Variants in XPO7 observed in about 807,000 individuals in gnomAD.
XPO7 encodes exportin-7.
A neutral mutation model predicts 144.3 loss-of-function variants in XPO7; 21 were observed. That is an observed-to-expected ratio of 0.15 (90% CI 0.10 to 0.21). The LOEUF is 0.21. Among genes scored for constraint, XPO7 ranks in the 10% least tolerant of loss-of-function variants. The pLI, the probability that XPO7 is intolerant of heterozygous loss-of-function variation, is 1.00. For synonymous variants in XPO7, 580 were observed against 499.6 expected, an observed-to-expected ratio of 1.16 and a Z score of -2.15; for missense variants, 808 against 1,325.8, an observed-to-expected ratio of 0.61 and a Z score of 6.06.
chr8:21,991,404 A>T (rs1371984903), intron 18 of XPO7, among the ~76,000 whole-genome samples: 3 of 152,162 alleles, frequency 2.0e-5, no homozygotes, highest in African/African-American at 7.2e-5. Context: ...TCTAATTTCG[A>T]GCTGTTTAAA....
At chr8:21,982,570 G>C in intron 10 of XPO7, 70 bp from the exon 11 acceptor site, 2 of 1,475,816 alleles carry the variant, frequency 1.4e-6, no homozygotes, top group Non-Finnish European at 1.8e-6. Flanking sequence ...TTTATCTTCT[G>C]TGTCAGTGGC....
At chr8:21,949,162 G>A (rs1207073484) in intron 1 of XPO7, among the ~76,000 whole-genome samples, 1 of 152,182 alleles carries the variant, frequency 6.6e-6, no homozygotes, top group Non-Finnish European at 1.5e-5. Context: ...AAAATCTCAT[G>A]AACTGACACA....
At chr8:21,968,039 T>C (rs1202273169) in intron 2 of XPO7, among the ~76,000 whole-genome samples, 1 of 152,118 alleles carries the variant, frequency 6.6e-6, no homozygotes, top group Non-Finnish European at 1.5e-5. Flanking sequence ...CTCAAACAGC[T>C]TCCCAGTCGT....
intron 1 of XPO7, among the ~76,000 whole-genome samples, chr8:21,935,833 T>C (rs945535985): frequency 1.3e-5 from 2 of 151,950 alleles, no homozygotes; most frequent in South Asian, 2.1e-4. Context: ...GGGCAAGATA[T>C]CTTTCTCTCT....
chr8:21,993,915 G>GTCTCTCTC (rs146886015), intron 19 of XPO7, among the ~76,000 whole-genome samples: 96 of 141,130 alleles, frequency 6.8e-4, no homozygotes, highest in African/African-American at 2.1e-3. Flanking sequence ...TCTTTGCCGT[G>GTCTCTCTC]TCTCTCTCTC....
chr8:21,977,631 T>C (rs373351115), intron 7 of XPO7, 139 bp from the exon 8 acceptor site: 1 of 750,440 alleles, frequency 1.3e-6, no homozygotes, highest in Non-Finnish European at 2.1e-6. Flanking sequence ...CCCTATTTGC[T>C]TATCACTTCC....
intron 11 of XPO7, among the ~76,000 whole-genome samples, chr8:21,983,587 T>C (rs568583755): frequency 3.5e-4 from 53 of 152,312 alleles, no homozygotes; most frequent in African/African-American, 1.1e-3. Flanking sequence ...CAGCAAGCCT[T>C]CTTCTGTCAC....
intron 8 of XPO7, among the ~76,000 whole-genome samples, chr8:21,978,565 A>G (rs886295096): frequency 1.3e-5 from 2 of 152,208 alleles, no homozygotes; most frequent in African/African-American, 4.8e-5. Flanking sequence ...TGTATCGTTA[A>G]GGTTACTGCA....
chr8:21,926,668 A>G (rs1022647490), intron 1 of XPO7, among the ~76,000 whole-genome samples: 9 of 152,160 alleles, frequency 5.9e-5, no homozygotes, highest in African/African-American at 2.2e-4. Context: ...TAACTGTAAG[A>G]ACTTGAAACA....
In XPO7 at chr8:21,984,816, C is replaced by A; in HGVS notation, c.1448C>A (p.Pro483Gln). 1 of 1,613,902 alleles carries A rather than the reference C, an allele frequency of 6.2e-7. No individual in the cohort carries two copies. The highest frequency in any genetic ancestry group is 8.5e-7 in the Non-Finnish European group (1 of 1,179,894). ...CTGCTACAGAGCGCCAGCGCAAGCC[C>A]AATGGACATTGCAGTGCAGGAGGGT... The part of the protein sequence containing the change: ...QELLQSASAS[P>Q]MDIAVQEGRL... The change falls in exon 12 of 28, where the codon CCA becomes CAA. Residue 483 changes from proline (P) to glutamine (Q), a missense_variant. Coordinates refer to ENST00000252512, the MANE Select transcript of XPO7 (RefSeq NM_015024.5).
At chr8:21,956,990 G>A (rs1037003643) in intron 1 of XPO7, among the ~76,000 whole-genome samples, 1 of 152,192 alleles carries the variant, frequency 6.6e-6, no homozygotes, top group Non-Finnish European at 1.5e-5. Context: ...ACCTCTGAAA[G>A]CGTGGCGAGG....
At chr8:21,969,357 C>A in intron 2 of XPO7, 126 bp from the exon 3 acceptor site, 1 of 746,640 alleles carries the variant, frequency 1.3e-6, no homozygotes, top group South Asian at 1.8e-5. Flanking sequence ...CCTCTAAAAT[C>A]CAGAGGATCA....
At chr8:21,982,050 G>A (rs1005739435) in intron 10 of XPO7, among the ~76,000 whole-genome samples, 173 bp downstream of exon 10, 7 of 152,196 alleles carry the variant, frequency 4.6e-5, no homozygotes, top group African/African-American at 1.7e-4. Context: ...ACAAGTGCAA[G>A]TAGTGTGGGG....
intron 1 of XPO7, among the ~76,000 whole-genome samples, chr8:21,942,050 T>C (rs1811010268): frequency 6.6e-6 from 1 of 152,248 alleles, no homozygotes; most frequent in African/African-American, 2.4e-5. Context: ...GAGGGTGTTA[T>C]GTATATCCTT....
chr8:21,952,502 T>A (rs1438081580), intron 1 of XPO7, among the ~76,000 whole-genome samples: 1 of 152,192 alleles, frequency 6.6e-6, no homozygotes, highest in Non-Finnish European at 1.5e-5. Context: ...TGTAGAGACA[T>A]ATGTTTGGAT....
At chr8:22,002,400 G>A (rs931557379) in intron 25 of XPO7, 128 bp downstream of exon 25, 22 of 1,169,768 alleles carry the variant, frequency 1.9e-5, no homozygotes, top group East Asian at 7.7e-5. Context: ...GATGAAGTCC[G>A]TGTCTTAAAG....
rs765204045 is a variant in XPO7, at chr8:21,987,892, T to C, written c.1787+35T>C. On this transcript the variant is annotated intron_variant, in intron 15 of 27. Transcript: ENST00000252512. ...TCAGCTTGCCACCAGCAAGAGTCCT[T>C]TGCACTCCTGTTGCAACTGTAAAAT... The C allele has an allele frequency of 1.9e-6, 3 of 1,604,452 alleles. No homozygotes were observed. In the Admixed American group the frequency reaches 5.0e-5, roughly 27 times the overall value.
chr8:21,971,848 C>G lies in XPO7; in HGVS notation c.427-28C>G, dbSNP rs767158904. 9.4e-6 allele frequency: 15 copies of G among 1,596,886 alleles called. No individual in the cohort carries two copies. The Admixed American group carries it at 2.2e-4, about 23-fold the overall frequency. On this transcript the variant is annotated intron_variant, in intron 4 of 27. Coordinates refer to ENST00000252512, the MANE Select transcript of XPO7 (RefSeq NM_015024.5). ...CCAAAACCAAGCACACATGACAACT[C>G]TTTCTACCTTATACTTTTTTTAACC...
chr8:21,968,538 T>G (rs995728003), intron 2 of XPO7, among the ~76,000 whole-genome samples: 2 of 152,204 alleles, frequency 1.3e-5, no homozygotes, highest in African/African-American at 4.8e-5. Flanking sequence ...GTATTTGTCC[T>G]GTGGGAGATG....
Sources: allele counts gnomAD v4.1 joint callset (sites outside exome capture counted in the v4.1 genomes callset), GRCh38; gene constraint gnomAD v4.1.1; transcripts MANE v1.5; gene names NCBI Gene and HGNC (gene_info 2026-07-23, HGNC 2026-07-21).